The following CCDC73 variants were observed in gnomAD, a reference collection of about 807,000 sequenced individuals.
CCDC73 encodes the protein coiled-coil domain-containing protein 73.
A neutral mutation model predicts 116.5 loss-of-function variants in CCDC73; 95 were observed. The observed-to-expected ratio is 0.82, with a 90% confidence interval of 0.69 to 0.97. The LOEUF (loss-of-function observed/expected upper bound fraction) is 0.97. Ranked by LOEUF, CCDC73 falls within the 50% of genes least tolerant of loss-of-function variation. The pLI is 0.00. For missense variants in CCDC73, 1,066 were observed against 1,206.8 expected (o/e 0.88, Z 1.73); for synonymous variants, 398 against 401.3 (o/e 0.99, Z 0.10).
the CCDC73 span, among the ~76,000 whole-genome samples, chr11:32,802,502 G>A: frequency 6.6e-6 from 1 of 152,064 alleles, no homozygotes; most frequent in Non-Finnish European, 1.5e-5. Flanking sequence ...AGATGATCAA[G>A]GAAAAAGCTG....
the CCDC73 span, among the ~76,000 whole-genome samples, chr11:32,800,999 C>G: frequency 6.6e-6 from 1 of 152,176 alleles, no homozygotes; most frequent in African/African-American, 2.4e-5. Flanking sequence ...TGTGAAATCA[C>G]TTGCTCTATT....
chr11:32,653,052 C>A, intron 12 of CCDC73, 71 bp downstream of exon 12: 2 of 870,780 alleles, frequency 2.3e-6, no homozygotes, highest in Non-Finnish European at 3.6e-6. Context: ...ATAAACTAAA[C>A]AGGAAGTTAA....
chr11:32,639,931 T>C (rs543159134), intron 13 of CCDC73, among the ~76,000 whole-genome samples: 132 of 152,350 alleles, frequency 8.7e-4, no homozygotes, highest in African/African-American at 3.0e-3. Context: ...GCAAGTTTTA[T>C]TAGCATAGTA....
intron 6 of CCDC73, among the ~76,000 whole-genome samples, chr11:32,692,085 C>T (rs1856265280): frequency 6.6e-6 from 1 of 150,626 alleles, no homozygotes; most frequent in Non-Finnish European, 1.5e-5. Context: ...ATCAGCAAAC[C>T]CATGGTCATC....
At chr11:32,628,749 A>C (rs181028839) in intron 14 of CCDC73, among the ~76,000 whole-genome samples, 402 of 152,348 alleles carry the variant, frequency 2.6e-3, no homozygotes, top group Non-Finnish European at 2.3e-3. Flanking sequence ...GCAATGTAAA[A>C]TTCAAAATGT....
intron 9 of CCDC73, among the ~76,000 whole-genome samples, chr11:32,663,735 A>T (rs1260835482): frequency 6.6e-6 from 1 of 152,182 alleles, no homozygotes; most frequent in Non-Finnish European, 1.5e-5. Flanking sequence ...GAGTGGTGAG[A>T]TAGGGCATCC....
intron 2 of CCDC73, among the ~76,000 whole-genome samples, chr11:32,745,722 T>TG (rs1475649404): frequency 1.2e-4 from 13 of 109,620 alleles, no homozygotes; most frequent in South Asian, 8.8e-4. Flanking sequence ...GGTTTTTGTT[T>TG]TTTTGTTTGT....
chr11:32,788,800 G>A (rs1373970757), intron 1 of CCDC73, among the ~76,000 whole-genome samples: 1 of 152,054 alleles, frequency 6.6e-6, no homozygotes, highest in Non-Finnish European at 1.5e-5. Flanking sequence ...TTACAATCTA[G>A]AAAAATGGAC....
intron 6 of CCDC73, among the ~76,000 whole-genome samples, chr11:32,698,371 C>T (rs1381518774): frequency 1.3e-5 from 2 of 152,084 alleles, no homozygotes; most frequent in Non-Finnish European, 2.9e-5. Flanking sequence ...ATAGAATGTG[C>T]CACACATTGT....
chr11:32,638,539 G>A (rs1275955828), intron 13 of CCDC73, among the ~76,000 whole-genome samples: 1 of 151,966 alleles, frequency 6.6e-6, no homozygotes, highest in Non-Finnish European at 1.5e-5. Context: ...GGAGCACAGT[G>A]GCGATCTTGG....
intron 14 of CCDC73, among the ~76,000 whole-genome samples, chr11:32,626,991 C>T (rs1037265500): frequency 1.3e-4 from 20 of 151,988 alleles, no homozygotes; most frequent in Non-Finnish European, 2.5e-4. Flanking sequence ...AATTAAAGAG[C>T]TTCTGCACAG....
At chr11:32,613,074 G>A (rs1176838686) in intron 16 of CCDC73, among the ~76,000 whole-genome samples, 1 of 152,122 alleles carries the variant, frequency 6.6e-6, no homozygotes, top group Non-Finnish European at 1.5e-5. Flanking sequence ...CCGGATTTCT[G>A]GTGTGGGTGA....
At chr11:32,745,806 A>G (rs1264641763) in intron 2 of CCDC73, among the ~76,000 whole-genome samples, 1 of 127,038 alleles carries the variant, frequency 7.9e-6, no homozygotes, top group African/African-American at 3.0e-5. Context: ...CTTTATTTTG[A>G]GCCTATGTGT....
intron 5 of CCDC73, 77 bp from the exon 6 acceptor site, chr11:32,699,402 AC>A (rs1294835116): frequency 3.0e-6 from 4 of 1,333,606 alleles, no homozygotes; most frequent in South Asian, 1.6e-5. Flanking sequence ...GAGCTCAAGA[AC>A]CCTTTAAGTA....
At position 32,642,019 on chromosome 11, in the gene CCDC73, T is replaced by C; in HGVS notation, c.1003A>G (p.Asn335Asp). 2 of 1,568,590 alleles carry C rather than the reference T, an allele frequency of 1.3e-6. No individual in the cohort carries two copies. The highest frequency in any genetic ancestry group is 1.7e-6 in the Non-Finnish European group (2 of 1,155,774). Residue 335 changes from asparagine to aspartate, a missense_variant, in exon 13 of 18, where the codon AAT becomes GAT. Physicochemically the swap from Asn to Asp is conservative, Grantham distance 23 (BLOSUM62 1). Transcript: ENST00000335185. ...GCTTTTTCATGCTCATTTTGAAGAT[T>C]AAGAAACTTTTCTTCATTTTCTTTT... ...KVKENEEKFL[N>D]LQNEHEKALG...
chr11:32,734,425 C>CTTTTTTTTTTTT (rs34093038), intron 2 of CCDC73, among the ~76,000 whole-genome samples: 3 of 131,364 alleles, frequency 2.3e-5, no homozygotes, highest in Admixed American at 7.8e-5. Context: ...ATTTTTTTTT[C>CTTTTTTTTTTTT]TTTTTTTTTT....
chr11:32,644,793 G>C (rs909161065), intron 12 of CCDC73, among the ~76,000 whole-genome samples: 1 of 152,076 alleles, frequency 6.6e-6, no homozygotes. Flanking sequence ...TCTGTTTTCT[G>C]TCTCTCTAAT....
chr11:32,794,065 T>C (rs1850701297), intron 1 of CCDC73, among the ~76,000 whole-genome samples: 1 of 152,148 alleles, frequency 6.6e-6, no homozygotes, highest in Admixed American at 6.6e-5. Flanking sequence ...TCCCTGGGAA[T>C]TTACACACTT....
intron 9 of CCDC73, among the ~76,000 whole-genome samples, chr11:32,666,326 T>C (rs1403203445): frequency 6.6e-6 from 1 of 152,234 alleles, no homozygotes; most frequent in Non-Finnish European, 1.5e-5. Flanking sequence ...TCTTTTCACA[T>C]AGTCCCATAT....
Sources: allele counts gnomAD v4.1 joint callset (sites outside exome capture counted in the v4.1 genomes callset), GRCh38; gene constraint gnomAD v4.1.1; transcripts MANE v1.5; gene names NCBI Gene and HGNC (gene_info 2026-07-23, HGNC 2026-07-21).